Variants in RNF157 observed in about 807,000 individuals in gnomAD.
The protein encoded by RNF157 is E3 ubiquitin ligase RNF157.
In RNF157, 55 loss-of-function variants were observed where a neutral mutation model predicts 88.3. The ratio of observed to expected loss-of-function variants is 0.62; its 90% CI spans 0.50 to 0.78. RNF157 has a LOEUF of 0.78. Among genes scored for constraint, RNF157 ranks in the 30% least tolerant of loss-of-function variants. The pLI, the probability that RNF157 is intolerant of heterozygous loss-of-function variation, is 0.00. For synonymous variants in RNF157, 334 were observed against 341.2 expected (o/e 0.98, Z 0.23); for missense variants, 788 against 860.8 (o/e 0.92, Z 1.06).
rs111674841 is a variant in RNF157 at position 76,157,520 on chromosome 17, A to G, written c.1413+873T>C. 1.8e-4 allele frequency among the ~76,000 whole-genome samples: 28 copies of G among 152,372 alleles called. 1 individual carries two copies. The highest frequency in any genetic ancestry group is 6.5e-4 in the African/African-American group (27 of 41,588). ...GGTTTAGCTAAAATGCTATTCCTCC[A>G]TAACACATTTTCTGATTTCCTCCAC... On this transcript the variant is annotated intron_variant, in intron 13 of 18. Transcript: ENST00000269391. The surrounding 1 kb of genome is among the most constrained non-coding windows in gnomAD (Gnocchi z 5.6).
chr17:76,151,884 C>T (rs1166214156), intron 18 of RNF157, among the ~76,000 whole-genome samples: 3 of 152,212 alleles, frequency 2.0e-5, no homozygotes, highest in African/African-American at 7.2e-5. Context: ...ATTCCCTAGC[C>T]TCTGAAACGC....
chr17:76,216,042 G>A (rs1490890925), intron 1 of RNF157, among the ~76,000 whole-genome samples: 3 of 152,160 alleles, frequency 2.0e-5, no homozygotes, highest in African/African-American at 7.2e-5. Flanking sequence ...ACTTCAGCAA[G>A]ATATATTTTC....
intron 2 of RNF157, among the ~76,000 whole-genome samples, chr17:76,194,372 T>G (rs2069438315): frequency 1.3e-5 from 2 of 152,142 alleles, no homozygotes; most frequent in South Asian, 4.2e-4. Context: ...CACCACGCAC[T>G]CAGCCACCAT....
intron 2 of RNF157, among the ~76,000 whole-genome samples, chr17:76,178,192 G>A (rs540072135): frequency 2.0e-5 from 3 of 152,366 alleles, no homozygotes; most frequent in African/African-American, 7.2e-5. Flanking sequence ...GCTGTGGCCC[G>A]TCGGGGAGCC....
chr17:76,162,783 TTA>T (rs2068863967), intron 8 of RNF157, 160 bp from the exon 9 acceptor site: 3 of 518,520 alleles, frequency 5.8e-6, no homozygotes, highest in Non-Finnish European at 1.0e-5. Context: ...TTTTATTTAC[TTA>T]TGTTTTCTCT....
At chr17:76,182,670 C>T (rs1337724075) in intron 2 of RNF157, among the ~76,000 whole-genome samples, 1 of 149,320 alleles carries the variant, frequency 6.7e-6, no homozygotes, top group African/African-American at 2.5e-5. Flanking sequence ...TCCATTCATC[C>T]CATCCATAAA....
intron 4 of RNF157, among the ~76,000 whole-genome samples, 167 bp downstream of exon 4, chr17:76,167,482 AAG>A (rs1325493620): frequency 9.2e-5 from 14 of 152,230 alleles, no homozygotes; most frequent in Non-Finnish European, 2.1e-4. Context: ...GCTGCAGAAA[AAG>A]AATGTTTTCC....
chr17:76,194,280 G>A (rs1280338836), intron 2 of RNF157, among the ~76,000 whole-genome samples: 2 of 152,000 alleles, frequency 1.3e-5, no homozygotes, highest in African/African-American at 2.4e-5. Flanking sequence ...TATCTCTATC[G>A]TTTTGCTCTT....
At chr17:76,159,594 T>C in intron 11 of RNF157, 21 bp from the exon 12 acceptor site, 4 of 1,551,692 alleles carry the variant, frequency 2.6e-6, no homozygotes, top group Non-Finnish European at 3.5e-6. Context: ...CAGAGACAGG[T>C]TGAAAAATTA....
intron 2 of RNF157, among the ~76,000 whole-genome samples, chr17:76,194,060 T>C (rs1425411116): frequency 1.3e-5 from 2 of 152,244 alleles, no homozygotes; most frequent in Non-Finnish European, 2.9e-5. Flanking sequence ...TCTGTTTTTT[T>C]GTTGGTTTGT....
chr17:76,230,894 AAGAG>A lies in RNF157; in HGVS notation c.88+9255_88+9258del, dbSNP rs146245620. ...AGAGAGAGAGAAAGAGAAAGAGAGA[AAGAG>A]AGAGAGAGAGACTTTTCTTAGATTA... is the stretch of plus-strand genomic sequence containing the variant. On this transcript the variant is annotated intron_variant, in intron 1 of 18. Coordinates refer to ENST00000269391, the MANE Select transcript of RNF157 (RefSeq NM_052916.3). Among the ~76,000 whole-genome samples, 810 of 142,464 alleles carry A rather than the reference AAGAG, an allele frequency of 5.7e-3. 8 individuals carry two copies. Among genetic ancestry groups the A allele is most frequent in the African/African-American group, 0.02 (746 of 36,642 alleles). The allele number at this position is 142,464 out of a possible 152,430, so 93.5% of individuals were successfully genotyped here.
intron 1 of RNF157, among the ~76,000 whole-genome samples, chr17:76,229,146 C>G (rs2070145605): frequency 6.6e-6 from 1 of 152,172 alleles, no homozygotes; most frequent in Non-Finnish European, 1.5e-5. Flanking sequence ...CTGAGGCTCT[C>G]TTTCCTCAAA....
intron 2 of RNF157, among the ~76,000 whole-genome samples, chr17:76,185,822 T>G (rs2069278180): frequency 1.3e-5 from 2 of 152,246 alleles, no homozygotes; most frequent in African/African-American, 4.8e-5. Flanking sequence ...CTTCCTGATT[T>G]CATTTGGTCA....
Position 76,152,554 on chromosome 17 carries a change from C to CA in RNF157, c.1811-90dup, listed in dbSNP as rs201297855. 5,774 of 735,392 alleles carry CA rather than the reference C, an allele frequency of 7.9e-3. 236 individuals carry two copies. In the African/African-American group the frequency reaches 0.089, roughly 11 times the overall value. The allele number at this position is 735,392 out of a possible 1,614,324, so 45.6% of individuals were successfully genotyped here. On this transcript the variant is annotated intron_variant, in intron 17 of 18. Transcript: ENST00000269391. ...AAAATAAAAATCTTAAGGATGGAGA[C>CA]AAAAAAAATCAAATCATATGTTAAA...
rs2068947903 is a variant in RNF157, at chr17:76,167,588, A to G, written c.443+63T>C. On this transcript the variant is annotated intron_variant, in intron 4 of 18. Coordinates refer to ENST00000269391, the MANE Select transcript of RNF157 (RefSeq NM_052916.3). ...ATCTTACCTGGTAATACCATTCTGG[A>G]ACTCTTCCGTGGCCTGGTAATAATC... 3 of 1,604,114 alleles carry G rather than the reference A, an allele frequency of 1.9e-6. No individual in the cohort carries two copies. In the African/African-American group the frequency reaches 4.0e-5, roughly 21 times the overall value.
chr17:76,230,744 A>G (rs1281339918), intron 1 of RNF157, among the ~76,000 whole-genome samples: 1 of 149,902 alleles, frequency 6.7e-6, no homozygotes, highest in Non-Finnish European at 1.5e-5. Context: ...AGGCTGGGGC[A>G]GGAGAATCGC....
Position 76,189,209 on chromosome 17 carries a change from G to C in RNF157, c.208-15419C>G, listed in dbSNP as rs190489662. On this transcript the variant is annotated intron_variant, in intron 2 of 18. Transcript: ENST00000269391. ...GTTTTAAAAATAGTAATGTAACTGT[G>C]TTAATTTTCAGTCTGGATAAATGTG... Among the ~76,000 whole-genome samples, 1,027 of 152,294 alleles carry C rather than the reference G, an allele frequency of 6.7e-3. 3 individuals are homozygous for C. The highest frequency in any genetic ancestry group is 0.011 in the Non-Finnish European group (720 of 68,020).
chr17:76,149,964 T>A (rs1229082635), intron 18 of RNF157, among the ~76,000 whole-genome samples: 1 of 151,576 alleles, frequency 6.6e-6, no homozygotes, highest in East Asian at 1.9e-4. Context: ...CCCCAGGAGG[T>A]GGAGGTTGCA....
intron 1 of RNF157, among the ~76,000 whole-genome samples, chr17:76,233,065 T>C (rs113645343): frequency 0.16 from 23,658 of 151,938 alleles, 2,933 homozygotes; most frequent in African/African-American, 0.33. Context: ...TGACTACAGG[T>C]ACCGGCCACC....
Sources: allele counts gnomAD v4.1 joint callset (sites outside exome capture counted in the v4.1 genomes callset), GRCh38; gene constraint gnomAD v4.1.1; non-coding constraint Gnocchi (gnomAD v3.1); transcripts MANE v1.5; gene names NCBI Gene and HGNC (gene_info 2026-07-23, HGNC 2026-07-21).